PATJ: variants seen among roughly 807,000 people sequenced by gnomAD.
PATJ encodes the protein PATJ crumbs cell polarity complex component, also known as inaD-like protein.
A neutral mutation model predicts 224.9 loss-of-function variants in PATJ; 190 were observed. The ratio of observed to expected loss-of-function variants is 0.84; its 90% CI spans 0.75 to 0.95. The LOEUF (loss-of-function observed/expected upper bound fraction) is 0.95. PATJ is among the 40% of genes least tolerant of loss of function. The pLI is 0.00. For missense variants in PATJ, 2,121 were observed against 2,270.3 expected (o/e 0.93, Z 1.34); for synonymous variants, 769 against 820.3 (o/e 0.94, Z 1.07).
chr1:61,840,386 C>A (rs1359285332), intron 17 of PATJ, among the ~76,000 whole-genome samples: 1 of 151,876 alleles, frequency 6.6e-6, no homozygotes, highest in Non-Finnish European at 1.5e-5. Flanking sequence ...GTAAATCTAC[C>A]TCTGACCATA....
intron 26 of PATJ, among the ~76,000 whole-genome samples, chr1:61,915,512 A>T (rs2149238397): frequency 6.6e-6 from 1 of 152,220 alleles, no homozygotes; most frequent in East Asian, 1.9e-4. Context: ...ATTTAGAATC[A>T]GATTATTAAA....
intron 27 of PATJ, among the ~76,000 whole-genome samples, chr1:61,973,950 CT>C (rs1298534323): frequency 5.3e-5 from 8 of 151,772 alleles, no homozygotes; most frequent in Middle Eastern, 3.4e-3. Flanking sequence ...AGGGACTTAT[CT>C]TAGTGTTCTT....
chr1:61,870,800 C>G (rs1032569978), intron 20 of PATJ, among the ~76,000 whole-genome samples: 1 of 152,170 alleles, frequency 6.6e-6, no homozygotes, highest in East Asian at 1.9e-4. Context: ...GGGAGCTATA[C>G]TGTTCTCTAC....
At chr1:61,877,828 A>T (rs748949225) in intron 21 of PATJ, among the ~76,000 whole-genome samples, 2 of 152,154 alleles carry the variant, frequency 1.3e-5, no homozygotes, top group Non-Finnish European at 2.9e-5. Context: ...TATTTTTTAA[A>T]AATCTCCCTG....
chr1:61,897,290 G>A (rs990672631), intron 22 of PATJ, among the ~76,000 whole-genome samples: 1 of 152,190 alleles, frequency 6.6e-6, no homozygotes. Flanking sequence ...AGTGAAAACA[G>A]TTTACTTGAA....
At chr1:62,045,427 T>C (rs181743088) in intron 30 of PATJ, among the ~76,000 whole-genome samples, 1 of 152,234 alleles carries the variant, frequency 6.6e-6, no homozygotes, top group Non-Finnish European at 1.5e-5. Flanking sequence ...TGCAATCACT[T>C]ATGTGGAAGA....
At chr1:61,957,927 T>C (rs1161998963) in intron 27 of PATJ, among the ~76,000 whole-genome samples, 1 of 152,232 alleles carries the variant, frequency 6.6e-6, no homozygotes, top group East Asian at 1.9e-4. Context: ...CTCTGAACTT[T>C]GATTTTCTTT....
intron 19 of PATJ, among the ~76,000 whole-genome samples, chr1:61,863,224 C>G (rs112647995): frequency 2.6e-5 from 4 of 151,374 alleles, no homozygotes; most frequent in African/African-American, 4.9e-5. Context: ...TTTGTAGAGA[C>G]GGGGGCTCAC....
chr1:62,031,998 G>A (rs1649404988), intron 29 of PATJ, among the ~76,000 whole-genome samples: 1 of 152,082 alleles, frequency 6.6e-6, no homozygotes, highest in Non-Finnish European at 1.5e-5. Context: ...CTCTTGCTAT[G>A]TGACAAATTA....
intron 15 of PATJ, among the ~76,000 whole-genome samples, chr1:61,827,000 A>G (rs1266939221): frequency 1.3e-5 from 2 of 152,218 alleles, no homozygotes; most frequent in Non-Finnish European, 2.9e-5. Flanking sequence ...ATATTCTTAT[A>G]AAATGAAAAT....
In PATJ at chr1:62,037,012, T is replaced by C. The variant is rs546725859; in HGVS notation, c.3960-965T>C. 4.1e-4 allele frequency among the ~76,000 whole-genome samples: 63 copies of C among 152,170 alleles called. 1 individual carries two copies. The highest frequency in any genetic ancestry group is 1.5e-3 in the African/African-American group (62 of 41,514). Reference sequence around the variant, plus strand: ...AGGGAGGAATGGTCTCCTAATCCAATTGGTGAAAAGTAAAGCATAAAATGG... The same window carrying C: ...AGGGAGGAATGGTCTCCTAATCCAACTGGTGAAAAGTAAAGCATAAAATGG... On this transcript the variant is annotated intron_variant, in intron 29 of 43. Transcript: ENST00000642238.
chr1:62,009,333 T>G (rs1646289163), intron 28 of PATJ, among the ~76,000 whole-genome samples: 1 of 152,226 alleles, frequency 6.6e-6, no homozygotes, highest in Admixed American at 6.5e-5. Context: ...TGTGTTTTTT[T>G]GTTTCCCGCA....
At chr1:62,147,532 C>A (rs755152713) in intron 41 of PATJ, among the ~76,000 whole-genome samples, 2 of 152,184 alleles carry the variant, frequency 1.3e-5, no homozygotes, top group African/African-American at 2.4e-5. Flanking sequence ...GGCTTGGTGG[C>A]TCACGCCTGT....
At chr1:62,146,439 C>T (rs993043086) in intron 41 of PATJ, among the ~76,000 whole-genome samples, 8 of 152,104 alleles carry the variant, frequency 5.3e-5, no homozygotes, top group African/African-American at 1.7e-4. Context: ...GGGGCTGAAG[C>T]GAGAAGACCA....
At chr1:61,811,463 C>T (rs1303375449) in intron 14 of PATJ, among the ~76,000 whole-genome samples, 3 of 151,954 alleles carry the variant, frequency 2.0e-5, no homozygotes, top group Non-Finnish European at 2.9e-5. Flanking sequence ...CTCCTGCCCT[C>T]AGGTGAAGCC....
At chr1:61,923,461 T>C (rs376783324) in intron 26 of PATJ, among the ~76,000 whole-genome samples, 2 of 152,210 alleles carry the variant, frequency 1.3e-5, no homozygotes, top group South Asian at 2.1e-4. Context: ...CTAATCTATC[T>C]CTTTAAAAAT....
At chr1:61,813,342 T>G (rs904022263) in intron 14 of PATJ, among the ~76,000 whole-genome samples, 1 of 45,514 alleles carries the variant, frequency 2.2e-5, no homozygotes, top group South Asian at 6.9e-4. Context: ...TACATATATA[T>G]ATATATATAT....
intron 41 of PATJ, among the ~76,000 whole-genome samples, chr1:62,131,304 G>A (rs970684090): frequency 5.3e-5 from 8 of 152,074 alleles, no homozygotes; most frequent in African/African-American, 1.9e-4. Flanking sequence ...GACCCCTAGA[G>A]GCAGTACAGT....
At chr1:61,817,492 C>T (rs1656361457) in intron 14 of PATJ, among the ~76,000 whole-genome samples, 1 of 152,016 alleles carries the variant, frequency 6.6e-6, no homozygotes, top group Non-Finnish European at 1.5e-5. Context: ...GATGAAACCC[C>T]ATCTCTACTA....
Sources: gnomAD v4.1 joint callset for allele counts (sites outside exome capture counted in the v4.1 genomes callset) on GRCh38, gnomAD v4.1.1 for gene constraint, MANE v1.5 for transcripts, NCBI Gene and HGNC (gene_info 2026-07-23, HGNC 2026-07-21) for gene names.